The following NOL7 variants were observed in gnomAD, a reference collection of about 807,000 sequenced individuals.
The protein encoded by NOL7 is nucleolar protein 7.
NOL7 carries 36 observed loss-of-function variants against 38.4 expected under a neutral mutation model. That is an observed-to-expected ratio of 0.94 (90% CI 0.72 to 1.24). NOL7 has a LOEUF of 1.24. Among genes scored for constraint, NOL7 ranks in the 50% most tolerant of loss-of-function variants. The pLI is 0.00. For missense variants in NOL7, 350 were observed against 315.1 expected, an observed-to-expected ratio of 1.11 and a Z score of -0.84; for synonymous variants, 142 against 126.5, an observed-to-expected ratio of 1.12 and a Z score of -0.82.
chr6:13,616,035 C>CA (rs918858594), intron 2 of NOL7, among the ~76,000 whole-genome samples: 42 of 142,956 alleles, frequency 2.9e-4, no homozygotes, highest in South Asian at 1.1e-3. Context: ...GACCCTGTCT[C>CA]AAAAAAAAAA....
At chr6:13,629,903 C>G (rs957953653) in intron 8 of NOL7, among the ~76,000 whole-genome samples, 46 of 119,556 alleles carry the variant, frequency 3.8e-4, no homozygotes, top group African/African-American at 5.8e-4. Context: ...CTGTCTCTCT[C>G]TCTCTCTCTC....
At chr6:13,622,333 A>G, downstream of NOL7, 1 of 1,513,274 alleles carries the variant, frequency 6.6e-7, no homozygotes, top group Non-Finnish European at 8.8e-7. Flanking sequence ...ATATGCCACA[A>G]TATAAGTGTG....
chr6:13,620,911 A>G lies in NOL7; in HGVS notation c.*84A>G, dbSNP rs902621101. The G allele has an allele frequency of 4.8e-6, 4 of 841,508 alleles. No homozygotes were observed. In the African/African-American group the frequency reaches 6.9e-5, roughly 14 times the overall value. The allele number at this position is 841,508 out of a possible 1,614,324, so 52.1% of individuals were successfully genotyped here. A position where few individuals can be genotyped will look rare whatever the true frequency, so the allele number is the denominator to read the frequency against. ...TCATAGATCATTTTAAAGGATCATT[A>G]TAAAAATCATAAACCTATTTGAGGA... On this transcript the variant is annotated 3_prime_UTR_variant, in exon 8 of 8. Transcript: ENST00000451315.
downstream of NOL7, chr6:13,622,272 TA>T (rs1341414440): frequency 3.1e-6 from 4 of 1,300,440 alleles, no homozygotes; most frequent in African/African-American, 6.0e-5. Flanking sequence ...GTACATAATT[TA>T]AAAAATCTAA....
chr6:13,622,424 G>A, downstream of NOL7: 5 of 1,607,952 alleles, frequency 3.1e-6, no homozygotes, highest in Non-Finnish European at 4.2e-6. Context: ...CGAGCCATCA[G>A]TCCTAGACAT....
At chr6:13,629,199 C>T (rs1308845040) in intron 8 of NOL7, among the ~76,000 whole-genome samples, 1 of 152,202 alleles carries the variant, frequency 6.6e-6, no homozygotes, top group Non-Finnish European at 1.5e-5. Flanking sequence ...CAGCCTCGAG[C>T]TTCTGGGCTC....
chr6:13,625,581 G>T, downstream of NOL7: 1 of 998,654 alleles, frequency 1.0e-6, no homozygotes, highest in Non-Finnish European at 1.6e-6. Flanking sequence ...AAGTGTAAAT[G>T]CCAGTACAAA....
rs879451883 is a variant in NOL7 at position 13,615,559 on chromosome 6, G to C, written c.201G>C (p.Leu67=). 1.3e-6 allele frequency: 2 copies of C among 1,565,030 alleles called. No individual in the cohort carries two copies. The highest frequency in any genetic ancestry group is 1.9e-5 in the Admixed American group (1 of 52,200). The change falls in exon 1 of 8, where the codon CTG becomes CTC. Residue 67 remains leucine, a synonymous_variant. Transcript: ENST00000451315. ...TTGACGATGAGGCCCCGGAGGAGCTGACTTTCGCCAGCGCCCAGGCGGAAG... is the reference window on the plus strand; with the variant it reads ...TTGACGATGAGGCCCCGGAGGAGCTCACTTTCGCCAGCGCCCAGGCGGAAG... The part of the protein sequence containing the change: ...DEFDDEAPEE[L]TFASAQAEAR...
intron 3 of NOL7, among the ~76,000 whole-genome samples, chr6:13,617,027 T>C (rs527273632): frequency 6.6e-6 from 1 of 152,250 alleles, no homozygotes; most frequent in African/African-American, 2.4e-5. Context: ...TTCTAAATTT[T>C]TTTTTTTCTA....
chr6:13,622,080 A>T, downstream of NOL7: 4 of 185,830 alleles, frequency 2.2e-5, no homozygotes, highest in Admixed American at 6.2e-5. Context: ...GGTTTCTTTT[A>T]GGTAATTGTT....
chr6:13,630,288 T>C (rs11963428), intron 8 of NOL7, among the ~76,000 whole-genome samples: 1 of 152,146 alleles, frequency 6.6e-6, no homozygotes, highest in South Asian at 2.1e-4. Flanking sequence ...ACTCTTTAAA[T>C]AAAGATGATA....
At chr6:13,620,645 A>T (rs3757260) in intron 7 of NOL7, 109 bp from the exon 8 acceptor site, 517,026 of 958,164 alleles carry the variant, frequency 0.54, 141,255 homozygotes, top group Admixed American at 0.62. Flanking sequence ...ATACATCTAA[A>T]GTATAATAAG....
At chr6:13,622,305 T>TC, downstream of NOL7, 3 of 1,407,042 alleles carry the variant, frequency 2.1e-6, no homozygotes, top group South Asian at 1.8e-5. Context: ...GCAGAGCTGG[T>TC]CTACTTCCAT....
intron 4 of NOL7, 95 bp from the exon 5 acceptor site, chr6:13,617,963 A>G (rs548592826): frequency 9.3e-5 from 89 of 957,548 alleles, no homozygotes; most frequent in Middle Eastern, 6.7e-4. Flanking sequence ...CTGCATCCAC[A>G]TTGGTGTGTA....
intron 8 of NOL7, among the ~76,000 whole-genome samples, chr6:13,631,786 T>A (rs948738702): frequency 2.6e-5 from 4 of 152,222 alleles, no homozygotes; most frequent in African/African-American, 7.2e-5. Context: ...TACACAAAAC[T>A]GTGGCTACTT....
intron 3 of NOL7, 127 bp downstream of exon 3, chr6:13,616,648 A>G (rs577942211): frequency 1.4e-5 from 9 of 626,454 alleles, no homozygotes; most frequent in African/African-American, 3.7e-5. Flanking sequence ...CTACCTTGGT[A>G]TATGAATTTG....
chr6:13,615,894 GACA>G, intron 2 of NOL7, 122 bp downstream of exon 2: 1 of 1,016,106 alleles, frequency 9.8e-7, no homozygotes, highest in Non-Finnish European at 1.4e-6. Flanking sequence ...GATTGCCTCT[GACA>G]GTGGTGGAAA....
intron 8 of NOL7, among the ~76,000 whole-genome samples, chr6:13,628,848 T>C (rs949904454): frequency 5.9e-5 from 9 of 152,228 alleles, no homozygotes; most frequent in Admixed American, 1.3e-4. Flanking sequence ...AGTAGTGCCA[T>C]TGGTACATTC....
downstream of NOL7, among the ~76,000 whole-genome samples, chr6:13,625,195 C>T (rs1337433343): frequency 1.3e-5 from 2 of 152,174 alleles, no homozygotes; most frequent in African/African-American, 2.4e-5. Flanking sequence ...ATGTTCTTAA[C>T]GTTCTCCGAT....
Sources: gnomAD v4.1 joint callset for allele counts (sites outside exome capture counted in the v4.1 genomes callset) on GRCh38, gnomAD v4.1.1 for gene constraint, MANE v1.5 for transcripts, NCBI Gene and HGNC (gene_info 2026-07-23, HGNC 2026-07-21) for gene names.